Variants in SFMBT2 observed in about 807,000 individuals in gnomAD.
The protein encoded by SFMBT2 is Scm like with four mbt domains 2.
SFMBT2 carries 38 observed loss-of-function variants against 110.1 expected under a neutral mutation model. That is an observed-to-expected ratio of 0.35 (90% CI 0.27 to 0.45). The LOEUF (loss-of-function observed/expected upper bound fraction) is 0.45. Ranked by LOEUF, SFMBT2 falls within the 20% of genes least tolerant of loss-of-function variation. SFMBT2 has a pLI of 1.00. For synonymous variants in SFMBT2, 425 were observed against 425.4 expected (o/e 1.00, Z 0.01); for missense variants, 1,011 against 1,094.9 (o/e 0.92, Z 1.08).
intron 4 of SFMBT2, among the ~76,000 whole-genome samples, chr10:7,288,864 C>G (rs1017647054): frequency 4.9e-5 from 7 of 141,496 alleles, no homozygotes; most frequent in South Asian, 4.6e-4. Context: ...CCCCCCCCCC[C>G]ATCTCCACTA....
chr10:7,261,555 G>A (rs1433347059), intron 7 of SFMBT2, among the ~76,000 whole-genome samples: 1 of 152,198 alleles, frequency 6.6e-6, no homozygotes, highest in Non-Finnish European at 1.5e-5. Flanking sequence ...ACGTATGCAG[G>A]CATGTCTGGA....
chr10:7,210,917 T>TG (rs923975044), intron 11 of SFMBT2, among the ~76,000 whole-genome samples: 54 of 139,048 alleles, frequency 3.9e-4, no homozygotes, highest in South Asian at 1.0e-3. Flanking sequence ...TAGACGAGTA[T>TG]GGGGGGGGTG....
chr10:7,303,437 C>T (rs1842608954), intron 4 of SFMBT2, among the ~76,000 whole-genome samples: 1 of 152,148 alleles, frequency 6.6e-6, no homozygotes, highest in African/African-American at 2.4e-5. Flanking sequence ...TTCCTACTCA[C>T]TTTGCAACCA....
At chr10:7,174,478 T>C (rs1837986518) in intron 17 of SFMBT2, among the ~76,000 whole-genome samples, 1 of 152,228 alleles carries the variant, frequency 6.6e-6, no homozygotes, top group Admixed American at 6.5e-5. Flanking sequence ...TATCATTCTG[T>C]CCTCCTCCCA....
chr10:7,246,052 C>T, intron 8 of SFMBT2: 1 of 472,840 alleles, frequency 2.1e-6, no homozygotes, highest in Non-Finnish European at 2.8e-6. Context: ...GAAGATGAGT[C>T]TTGAACCTGG....
At chr10:7,203,469 C>A in intron 12 of SFMBT2, 1 of 241,038 alleles carries the variant, frequency 4.1e-6, no homozygotes, top group Non-Finnish European at 6.7e-6. Context: ...CAGACAGATC[C>A]AAAATCCTAA....
chr10:7,206,413 A>C, intron 11 of SFMBT2: 1 of 985,450 alleles, frequency 1.0e-6, no homozygotes, highest in Non-Finnish European at 1.2e-6. Flanking sequence ...AAGAAAGTCA[A>C]GCATCACAGC....
intron 7 of SFMBT2, among the ~76,000 whole-genome samples, chr10:7,271,032 T>A (rs533023348): frequency 4.7e-4 from 72 of 152,192 alleles, no homozygotes; most frequent in African/African-American, 1.7e-3. Flanking sequence ...CGCCTATAAA[T>A]CCAGCACTTT....
chr10:7,394,451 C>A (rs1485207860), intron 1 of SFMBT2, among the ~76,000 whole-genome samples: 1 of 151,664 alleles, frequency 6.6e-6, no homozygotes, highest in Non-Finnish European at 1.5e-5. Flanking sequence ...GAACACGCCA[C>A]TTCCTAGTTC....
intron 4 of SFMBT2, among the ~76,000 whole-genome samples, chr10:7,359,462 C>G (rs934728304): frequency 6.6e-6 from 1 of 152,200 alleles, no homozygotes; most frequent in East Asian, 1.9e-4. Context: ...ACACACAGCA[C>G]CAACTCCCCC....
At chr10:7,342,390 G>A (rs952952551) in intron 4 of SFMBT2, among the ~76,000 whole-genome samples, 2 of 128,226 alleles carry the variant, frequency 1.6e-5, no homozygotes, top group South Asian at 5.0e-4. Flanking sequence ...TTGCACTGGA[G>A]TGAGTCTTTT....
chr10:7,303,669 A>G (rs1842616476), intron 4 of SFMBT2, among the ~76,000 whole-genome samples: 1 of 152,206 alleles, frequency 6.6e-6, no homozygotes, highest in Non-Finnish European at 1.5e-5. Context: ...AATAAAATAA[A>G]TTACTGAGAT....
At chr10:7,352,710 C>T (rs553997298) in intron 4 of SFMBT2, among the ~76,000 whole-genome samples, 1 of 152,246 alleles carries the variant, frequency 6.6e-6, no homozygotes, top group African/African-American at 2.4e-5. Flanking sequence ...AAATGGCCAA[C>T]AAATAAATAA....
chr10:7,370,879 G>T, intron 2 of SFMBT2: 1 of 805,526 alleles, frequency 1.2e-6, no homozygotes, highest in Non-Finnish European at 1.5e-6. Context: ...AGAATTGCTC[G>T]AGTGTGTGGG....
At chr10:7,339,756 TCTC>T (rs2131980672) in intron 4 of SFMBT2, among the ~76,000 whole-genome samples, 1 of 152,284 alleles carries the variant, frequency 6.6e-6, no homozygotes, top group East Asian at 1.9e-4. Context: ...ACTGAATAAA[TCTC>T]CTCCAACTTA....
chr10:7,299,305 C>G (rs1842493056), intron 4 of SFMBT2, among the ~76,000 whole-genome samples: 1 of 152,164 alleles, frequency 6.6e-6, no homozygotes, highest in East Asian at 1.9e-4. Flanking sequence ...AGGCAACCTA[C>G]AAAATGGGAG....
chr10:7,180,719 T>C (rs936106553), intron 16 of SFMBT2, among the ~76,000 whole-genome samples: 4 of 151,842 alleles, frequency 2.6e-5, no homozygotes, highest in Non-Finnish European at 1.5e-5. Context: ...GGGAAAAGGA[T>C]GGAAGTGCGG....
At chr10:7,186,459 C>CACACATAT (rs748644225) in intron 16 of SFMBT2, among the ~76,000 whole-genome samples, 290 of 126,894 alleles carry the variant, frequency 2.3e-3, no homozygotes, top group African/African-American at 8.6e-3. Context: ...CACACACACA[C>CACACATAT]ATATATATAT....
intron 13 of SFMBT2, among the ~76,000 whole-genome samples, chr10:7,202,086 T>C (rs184353290): frequency 6.6e-6 from 1 of 152,302 alleles, no homozygotes; most frequent in East Asian, 1.9e-4. Flanking sequence ...TGGGCTACTC[T>C]AGGAGAGGTG....
Sources: gnomAD v4.1 joint callset for allele counts (sites outside exome capture counted in the v4.1 genomes callset) on GRCh38, gnomAD v4.1.1 for gene constraint, MANE v1.5 for transcripts, NCBI Gene and HGNC (gene_info 2026-07-23, HGNC 2026-07-21) for gene names.